MSRB1: variants seen among roughly 807,000 people sequenced by gnomAD.
The protein encoded by MSRB1 is methionine sulfoxide reductase B1.
In MSRB1, 13 loss-of-function variants were observed where a neutral mutation model predicts 15.2. That is an observed-to-expected ratio of 0.86 (90% CI 0.56 to 1.36). The LOEUF (loss-of-function observed/expected upper bound fraction) is 1.36. MSRB1 is among the 40% of genes most tolerant of loss of function. MSRB1 has a pLI of 0.00. For synonymous variants in MSRB1, 68 were observed against 64.5 expected, an observed-to-expected ratio of 1.05 and a Z score of -0.26; for missense variants, 174 against 155.9, an observed-to-expected ratio of 1.12 and a Z score of -0.62.
At position 1,938,767 on chromosome 16, in the gene MSRB1, C is replaced by T. The variant is rs1234882067; in HGVS notation, c.*345G>A. 5.4e-6 allele frequency: 2 copies of T among 368,476 alleles called. No individual in the cohort carries two copies. The highest frequency in any genetic ancestry group is 7.1e-5 in the East Asian group (1 of 14,110). The allele number at this position is 368,476 out of a possible 1,614,324, so 22.8% of individuals were successfully genotyped here. ...GGCCTCACAGGGGAGAGTCCAGAGACAGGGCCAGGAAAAGAAGGTGAGGGT... is the reference window on the plus strand; with the variant it reads ...GGCCTCACAGGGGAGAGTCCAGAGATAGGGCCAGGAAAAGAAGGTGAGGGT... On this transcript the variant is annotated 3_prime_UTR_variant, in exon 4 of 4. Coordinates refer to ENST00000361871, the MANE Select transcript of MSRB1 (RefSeq NM_016332.4).
rs895509574 is a variant in MSRB1, at chr16:1,938,253, A to G, written c.*859T>C. On this transcript the variant is annotated 3_prime_UTR_variant, in exon 4 of 4. Transcript: ENST00000361871. Reference sequence around the variant, plus strand: ...GTACATCTGAATGTTTCATTTGTCTATGGATTTCCACCTGATTACTCCAGA... The same window carrying G: ...GTACATCTGAATGTTTCATTTGTCTGTGGATTTCCACCTGATTACTCCAGA... The G allele has an allele frequency of 1.3e-5, 2 of 152,212 alleles. No homozygotes were observed. 9.4% of individuals were successfully genotyped at this position (152,212 alleles called of 1,614,324 possible).
At chr16:1,940,403 C>T (rs894711392) in intron 3 of MSRB1, among the ~76,000 whole-genome samples, 10 of 152,194 alleles carry the variant, frequency 6.6e-5, no homozygotes, top group Non-Finnish European at 1.3e-4. Context: ...AGGCTCTGAG[C>T]GGCTAAGAAG....
intron 3 of MSRB1, among the ~76,000 whole-genome samples, chr16:1,939,583 AGC>A (rs1260782977): frequency 3.9e-5 from 6 of 152,218 alleles, no homozygotes; most frequent in Non-Finnish European, 5.9e-5. Context: ...CTGTAATCCC[AGC>A]ACCTTGGGAG....
At position 1,938,879 on chromosome 16, in the gene MSRB1, T is replaced by C. The variant is rs2083056302; in HGVS notation, c.*233A>G. On this transcript the variant is annotated 3_prime_UTR_variant, in exon 4 of 4. Transcript: ENST00000361871. The stretch of plus-strand genomic sequence containing the variant: ...CAGGGGGCTAAGTCAGCCGACAGTG[T>C]GGCTGCACAGCCCAGGCCTGTCCCA... 3.2e-6 allele frequency: 2 copies of C among 616,274 alleles called. No homozygotes were observed. Among genetic ancestry groups the C allele is most frequent in the African/African-American group, 3.8e-5 (2 of 52,762 alleles). The allele number at this position is 616,274 out of a possible 1,614,324, so 38.2% of individuals were successfully genotyped here. A position where few individuals can be genotyped will look rare whatever the true frequency, so the allele number is the denominator to read the frequency against.
Position 1,939,202 on chromosome 16 carries a change from A to G in MSRB1, c.320-59T>C, listed in dbSNP as rs947450439. On this transcript the variant is annotated intron_variant, in intron 3 of 3. Coordinates refer to ENST00000361871, the MANE Select transcript of MSRB1 (RefSeq NM_016332.4). The stretch of plus-strand genomic sequence containing the variant: ...GGGACAGAAAGCAAGCAGGGGCGGA[A>G]AGCCGGGCGCGGGGGCGGTGGAAAG... 5.7e-6 allele frequency: 9 copies of G among 1,565,860 alleles called. No individual in the cohort carries two copies. In the Admixed American group the frequency reaches 9.8e-5, roughly 17 times the overall value.
At chr16:1,942,594 G>A (rs1397111278) in intron 1 of MSRB1, among the ~76,000 whole-genome samples, 1 of 152,254 alleles carries the variant, frequency 6.6e-6, no homozygotes, top group Non-Finnish European at 1.5e-5. Context: ...ATCTGAAGGG[G>A]ACATTCTATG....
intron 1 of MSRB1, among the ~76,000 whole-genome samples, chr16:1,942,872 C>A (rs1353786918): frequency 2.0e-5 from 3 of 152,128 alleles, no homozygotes; most frequent in Non-Finnish European, 4.4e-5. Context: ...GGCCTGCCCC[C>A]TCCAGGACGG....
At chr16:1,941,751 C>T (rs2150857512) in intron 1 of MSRB1, 1 of 259,448 alleles carries the variant, frequency 3.9e-6, no homozygotes. Context: ...CACGGAGCTC[C>T]CCCTCGCCCC....
chr16:1,941,050 G>A (rs2083073751), intron 2 of MSRB1, 158 bp from the exon 3 acceptor site: 2 of 1,551,726 alleles, frequency 1.3e-6, no homozygotes, highest in Non-Finnish European at 1.7e-6. Flanking sequence ...AGCCCGTACA[G>A]GAAACCTGTC....
At chr16:1,940,440 G>A (rs1295092366) in intron 3 of MSRB1, among the ~76,000 whole-genome samples, 6 of 152,242 alleles carry the variant, frequency 3.9e-5, no homozygotes, top group Non-Finnish European at 7.3e-5. Flanking sequence ...GCCAGTGGGA[G>A]ACACAGCCGC....
chr16:1,940,743 A>T (rs1256270906), intron 3 of MSRB1, 35 bp downstream of exon 3: 1 of 1,588,110 alleles, frequency 6.3e-7, no homozygotes, highest in South Asian at 1.1e-5. Flanking sequence ...TCAAAGGCCA[A>T]CAGGCCTGGC....
chr16:1,942,238 TG>T (rs2083082133), intron 1 of MSRB1, among the ~76,000 whole-genome samples: 2 of 152,204 alleles, frequency 1.3e-5, no homozygotes, highest in African/African-American at 4.8e-5. Flanking sequence ...TGAGGACAAC[TG>T]GGATCTAAAG....
intron 2 of MSRB1, 130 bp from the exon 3 acceptor site, chr16:1,941,022 G>C: frequency 6.4e-7 from 1 of 1,555,342 alleles, no homozygotes; most frequent in African/African-American, 1.4e-5. Flanking sequence ...CGACATAAGA[G>C]GTTGACCTTT....
Position 1,940,978 on chromosome 16 carries a change from T to C in MSRB1, c.205-86A>G, listed in dbSNP as rs753033424. ...CCTTACTGGGGCTGGCAGATGGTGT[T>C]TCTTCCCACACGCCTATTTCCCAAG... On this transcript the variant is annotated intron_variant, in intron 2 of 3. Coordinates refer to ENST00000361871, the MANE Select transcript of MSRB1 (RefSeq NM_016332.4). 4 of 1,591,944 alleles carry C rather than the reference T, an allele frequency of 2.5e-6. No homozygotes were observed. The South Asian group carries it at 4.5e-5, about 18-fold the overall frequency.
chr16:1,941,502 C>T lies in MSRB1; in HGVS notation c.56-97G>A, dbSNP rs2083077222. The T allele has an allele frequency of 2.1e-6, 3 of 1,460,680 alleles. No individual in the cohort carries two copies. In the South Asian group the frequency reaches 4.1e-5, roughly 20 times the overall value. The allele number at this position is 1,460,680 out of a possible 1,614,324, so 90.5% of individuals were successfully genotyped here. A position where few individuals can be genotyped will look rare whatever the true frequency, so the allele number is the denominator to read the frequency against. ...CAACCCAGGCAAAGACAGCGCTGCCCCCGTTCCGAGGGTAGGCTGTGCTCC... is the reference window on the plus strand; with the variant it reads ...CAACCCAGGCAAAGACAGCGCTGCCTCCGTTCCGAGGGTAGGCTGTGCTCC... On this transcript the variant is annotated intron_variant, in intron 1 of 3. Transcript: ENST00000361871.
chr16:1,939,774 T>G (rs1215967174), intron 3 of MSRB1, among the ~76,000 whole-genome samples: 1 of 151,886 alleles, frequency 6.6e-6, no homozygotes, highest in East Asian at 1.9e-4. Context: ...GCTAACATGG[T>G]GAAACCCCGT....
At chr16:1,940,435 T>G (rs2150856502) in intron 3 of MSRB1, among the ~76,000 whole-genome samples, 1 of 152,296 alleles carries the variant, frequency 6.6e-6, no homozygotes, top group East Asian at 1.9e-4. Context: ...TCCTAGCCAG[T>G]GGGAGACACA....
At position 1,941,417 on chromosome 16, in the gene MSRB1, G is replaced by A. The variant is rs371147198; in HGVS notation, c.56-12C>T. The stretch of plus-strand genomic sequence containing the variant: ...ACACACGTAAACGCCTGTGGTGGAA[G>A]GAGAGGCAAATGTGGAGTCATCAGC... On this transcript the variant is annotated splice_polypyrimidine_tract_variant and intron_variant, in intron 1 of 3. Transcript: ENST00000361871. 4.9e-5 allele frequency: 78 copies of A among 1,605,336 alleles called. No homozygotes were observed. The highest frequency in any genetic ancestry group is 4.4e-5 in the Non-Finnish European group (52 of 1,175,508).
At chr16:1,943,044 C>A (rs917004517) in intron 1 of MSRB1, 58 bp downstream of exon 1, 2 of 1,544,472 alleles carry the variant, frequency 1.3e-6, no homozygotes, top group Non-Finnish European at 1.7e-6. Context: ...CGGCGGCGCC[C>A]CCGCTAATGC....
Sources: allele counts gnomAD v4.1 joint callset (sites outside exome capture counted in the v4.1 genomes callset), GRCh38; gene constraint gnomAD v4.1.1; transcripts MANE v1.5; gene names NCBI Gene and HGNC (gene_info 2026-07-23, HGNC 2026-07-21).